Variants in ATRX observed in about 807,000 individuals in gnomAD.
The protein encoded by ATRX is chromatin remodeler ATRX.
Under a neutral mutation model 172.6 loss-of-function variants are expected in ATRX, and 12 were observed. That is an observed-to-expected ratio of 0.07 (90% CI 0.04 to 0.11). The LOEUF (loss-of-function observed/expected upper bound fraction) is 0.11. Ranked by LOEUF, ATRX falls within the 10% of genes least tolerant of loss-of-function variation. The pLI is 1.00. For synonymous variants in ATRX, 674 were observed against 594.7 expected (o/e 1.13, Z -1.94); for missense variants, 1,368 against 1,767.4 (o/e 0.77, Z 4.05).
chrX:77,552,055 AGT>A lies in ATRX; in HGVS notation c.6699+5394_6699+5395del, dbSNP rs1447285308. ...AACTAGTTCAACCATTGTGGAAGAC[AGT>A]GTGGCGATTCCTCAAGGATCCAGAA... On this transcript the variant is annotated intron_variant, in intron 30 of 34. Transcript: ENST00000373344. 5.4e-5 allele frequency among the ~76,000 whole-genome samples: 6 copies of A among 111,757 alleles called. No homozygotes were observed. In the East Asian group the frequency reaches 1.7e-3, roughly 32 times the overall value.
intron 1 of ATRX, among the ~76,000 whole-genome samples, chrX:77,753,076 G>A (rs782085503): frequency 9.0e-5 from 10 of 111,224 alleles, no homozygotes; most frequent in Non-Finnish European, 1.7e-4. Context: ...GGTATCATTC[G>A]GCTGTGAATC....
At chrX:77,718,104 C>T (rs2073540357) in intron 1 of ATRX, among the ~76,000 whole-genome samples, 1 of 110,805 alleles carries the variant, frequency 9.0e-6, no homozygotes, top group Non-Finnish European at 1.9e-5. Flanking sequence ...AAGATTTATA[C>T]TAGCCAACAC....
intron 26 of ATRX, among the ~76,000 whole-genome samples, chrX:77,590,150 C>T (rs2066182825): frequency 9.0e-6 from 1 of 111,410 alleles, no homozygotes; most frequent in Non-Finnish European, 1.9e-5. Context: ...AGTTGGAGGG[C>T]TGACTCTTCA....
At position 77,682,047 on chromosome X, in the gene ATRX, T is replaced by G; in HGVS notation, c.3209A>C (p.Lys1070Thr). Residue 1070 changes from lysine (K) to threonine (T), a missense_variant, in exon 9 of 35, where the codon AAA becomes ACA. This residue lies in a region of ATRX where 843 missense variants were observed against 643.1 expected (regional missense o/e 1.31). Transcript: ENST00000373344. ...CTCTGAAGAGTCACAACTATCTCCTTTCCCTGTTGACTTCTCAGCATAATC... is the reference window on the plus strand; with the variant it reads ...CTCTGAAGAGTCACAACTATCTCCTGTCCCTGTTGACTTCTCAGCATAATC... ...LSDYAEKSTG[K>T]GDSCDSSEDK... is the part of the protein sequence containing the mutation. 2 of 1,211,173 alleles carry G rather than the reference T, an allele frequency of 1.7e-6. No individual in the cohort carries two copies. The highest frequency in any genetic ancestry group is 2.2e-6 in the Non-Finnish European group (2 of 895,015).
intron 19 of ATRX, among the ~76,000 whole-genome samples, chrX:77,621,941 T>C (rs1297070285): frequency 8.9e-6 from 1 of 112,006 alleles, no homozygotes; most frequent in African/African-American, 3.2e-5. Context: ...TTACTTTGAA[T>C]CTGAAAACAT....
At chrX:77,582,780 C>G (rs1199575168) in intron 27 of ATRX, among the ~76,000 whole-genome samples, 1 of 111,696 alleles carries the variant, frequency 9.0e-6, no homozygotes, top group East Asian at 2.8e-4. Context: ...ACACAACCTA[C>G]CAAGATTGAA....
chrX:77,633,497 T>A (rs1557106594), intron 18 of ATRX, 69 bp downstream of exon 18: 10 of 1,111,652 alleles, frequency 9.0e-6, no homozygotes, highest in South Asian at 6.2e-5. Flanking sequence ...TTAAAAAAAA[T>A]TAAAAATAGT....
At chrX:77,676,097 T>C in intron 10 of ATRX, 129 bp downstream of exon 10, 1 of 570,849 alleles carries the variant, frequency 1.8e-6, no homozygotes, top group Non-Finnish European at 2.8e-6. Context: ...GCAGGAAGAC[T>C]GTGAGCGAGT....
chrX:77,675,484 G>C (rs1235694180), intron 10 of ATRX: 1 of 111,398 alleles, frequency 9.0e-6, no homozygotes, highest in African/African-American at 3.3e-5. Context: ...CTATTGTCCA[G>C]GAAGTGTTTA....
chrX:77,572,726 G>A (rs2065462922), intron 28 of ATRX, among the ~76,000 whole-genome samples: 1 of 111,535 alleles, frequency 9.0e-6, no homozygotes, highest in Non-Finnish European at 1.9e-5. Context: ...GTTTAAACAT[G>A]AAAAACACAG....
At chrX:77,771,625 C>T (rs1225312086) in intron 1 of ATRX, among the ~76,000 whole-genome samples, 1 of 109,736 alleles carries the variant, frequency 9.1e-6, no homozygotes, top group Non-Finnish European at 1.9e-5. Context: ...TACTTGCTAT[C>T]AACTCTCTAA....
Position 77,742,457 on chromosome X carries a change from A to AGGGGAACTGTGAGACCCTG in ATRX, c.21-25233_21-25215dup, listed in dbSNP as rs782682645. ...AAAGAAAACTGCCTTTCCCACATAC[A>AGGGGAACTGTGAGACCCTG]GGGGAACTGTGAGACCCTGGAGGAA... On this transcript the variant is annotated intron_variant, in intron 1 of 34. Transcript: ENST00000373344. 3.4e-3 allele frequency among the ~76,000 whole-genome samples: 386 copies of AGGGGAACTGTGAGACCCTG among 111,985 alleles called. 1 individual carries two copies. Among genetic ancestry groups the AGGGGAACTGTGAGACCCTG allele is most frequent in the Non-Finnish European group, 5.5e-3 (292 of 53,218 alleles).
At chrX:77,587,920 C>A (rs1265712097) in intron 27 of ATRX, among the ~76,000 whole-genome samples, 1 of 112,125 alleles carries the variant, frequency 8.9e-6, no homozygotes, top group African/African-American at 3.2e-5. Flanking sequence ...TCAACACAAT[C>A]CCTATTAGCA....
At chrX:77,610,600 T>G (rs1370265233) in intron 22 of ATRX, among the ~76,000 whole-genome samples, 1 of 110,704 alleles carries the variant, frequency 9.0e-6, no homozygotes, top group Non-Finnish European at 1.9e-5. Context: ...AATATTAGAG[T>G]GTACACTAAA....
At chrX:77,528,901 G>C (rs782009533) in intron 30 of ATRX, among the ~76,000 whole-genome samples, 1 of 111,978 alleles carries the variant, frequency 8.9e-6, no homozygotes, top group Non-Finnish European at 1.9e-5. Flanking sequence ...CCAAGGCAAA[G>C]AAGCTAAGAA....
intron 19 of ATRX, among the ~76,000 whole-genome samples, chrX:77,627,302 A>T (rs1480233566): frequency 1.8e-5 from 2 of 112,607 alleles, no homozygotes; most frequent in East Asian, 5.5e-4. Flanking sequence ...TCAATGAAAA[A>T]GTTAAAATTG....
At chrX:77,716,110 ATTTTTTTTTTTTTTTTTTTTTT>A (rs199639051) in intron 2 of ATRX, among the ~76,000 whole-genome samples, 2 of 54,405 alleles carry the variant, frequency 3.7e-5, no homozygotes, top group Non-Finnish European at 5.8e-5. Flanking sequence ...GTCTCTAAAA[ATTTTTTTTTTTTTTTTTTTTTT>A]TTTTTTTTTT....
intron 30 of ATRX, among the ~76,000 whole-genome samples, chrX:77,547,692 C>T: frequency 8.9e-6 from 1 of 111,741 alleles, no homozygotes. Context: ...TTGTCAACTG[C>T]ATGCTAACTT....
In ATRX at chrX:77,663,931, G is replaced by A. The variant is rs45442105; in HGVS notation, c.3944-373C>T. Among the ~76,000 whole-genome samples the A allele has an allele frequency of 3.0e-3, 331 of 110,531 alleles. 2 individuals are homozygous for A. Among genetic ancestry groups the A allele is most frequent in the African/African-American group, 0.01 (315 of 30,439 alleles). On this transcript the variant is annotated intron_variant, in intron 11 of 34. Transcript: ENST00000373344. ...AGCCTGATCAACATGGAGAAACCCCGTCTCTACTAAAAATACAAAATTAGC... is the reference window on the plus strand; with the variant it reads ...AGCCTGATCAACATGGAGAAACCCCATCTCTACTAAAAATACAAAATTAGC...
Sources: gnomAD v4.1 joint callset for allele counts (sites outside exome capture counted in the v4.1 genomes callset) on GRCh38, gnomAD v4.1.1 for gene constraint, gnomAD v4.1.1 regional missense constraint, MANE v1.5 for transcripts, NCBI Gene and HGNC (gene_info 2026-07-23, HGNC 2026-07-21) for gene names.